Variants in ANKRD11 observed in about 807,000 individuals in gnomAD.
ANKRD11 encodes the protein ankyrin repeat domain 11.
ANKRD11 carries 17 observed loss-of-function variants against 195.7 expected under a neutral mutation model. The observed-to-expected ratio is 0.09, with a 90% CI of 0.06 to 0.13. The LOEUF (loss-of-function observed/expected upper bound fraction) is 0.13, where lower values mean the gene tolerates loss of function less well. ANKRD11 is among the 10% of genes least tolerant of loss of function. The pLI, the probability that ANKRD11 is intolerant of heterozygous loss-of-function variation, is 1.00. For missense variants in ANKRD11, 3,735 were observed against 3,566.1 expected, an observed-to-expected ratio of 1.05 and a Z score of -1.21; for synonymous variants, 1,953 against 1,528.1, an observed-to-expected ratio of 1.28 and a Z score of -6.49.
chr16:89,435,738 C>G (rs1244075353), intron 1 of ANKRD11, among the ~76,000 whole-genome samples: 1 of 151,494 alleles, frequency 6.6e-6, no homozygotes, highest in Non-Finnish European at 1.5e-5. Flanking sequence ...GAGTCCAAGA[C>G]CAACTGACTG....
chr16:89,378,541 C>T (rs945560862), intron 2 of ANKRD11, among the ~76,000 whole-genome samples: 1 of 152,142 alleles, frequency 6.6e-6, no homozygotes, highest in Non-Finnish European at 1.5e-5. Context: ...AATGTACGTG[C>T]TATAAGGCTA....
At position 89,284,115 on chromosome 16, in the gene ANKRD11, C is replaced by T. The variant is rs746095435; in HGVS notation, c.2427G>A (p.Arg809=). Residue 809 remains arginine (R), a synonymous_variant, in exon 9 of 13, where the codon AGG becomes AGA. Coordinates refer to ENST00000301030, the MANE Select transcript of ANKRD11 (RefSeq NM_013275.6). ...AATATTCGTCAAAAGCAGAATCTTC[C>T]CTATAAACCTTTTCTTTTTTGAGTT... ...KEKLKKEKVY[R]EDSAFDEYCN... 1 of 1,610,604 alleles carries T rather than the reference C, an allele frequency of 6.2e-7. No homozygotes were observed.
At chr16:89,487,486 C>T (rs533958304) in intron 1 of ANKRD11, among the ~76,000 whole-genome samples, 4 of 152,248 alleles carry the variant, frequency 2.6e-5, no homozygotes, top group South Asian at 2.1e-4. Context: ...TAAAAAGGCA[C>T]AAAAAGAGGC....
intron 2 of ANKRD11, among the ~76,000 whole-genome samples, chr16:89,387,379 A>G (rs2152118334): frequency 2.0e-5 from 3 of 152,266 alleles, no homozygotes; most frequent in Middle Eastern, 6.8e-3. Context: ...GTTTCTATTA[A>G]GACTGTGCTT....
In ANKRD11 at chr16:89,283,976, C is replaced by A. The variant is rs563168620; in HGVS notation, c.2566G>T (p.Asp856Tyr). Residue 856 changes from aspartate to tyrosine, a missense_variant, in exon 9 of 13, where the codon GAC becomes TAC. Physicochemically the swap from Asp to Tyr is radical, Grantham distance 160 (BLOSUM62 -3). Transcript: ENST00000301030. The surrounding 1 kb of genome is among the most constrained non-coding windows in gnomAD (Gnocchi z 4.3). The part of the protein sequence containing the change: ...SDSSFDFKGE[D>Y]SWDSPVTDYR... ...TCTGTCACTGGCGAGTCCCAGCTGT[C>A]CTCCCCTTTGAAATCAAAGGATGAA... 6.2e-7 allele frequency: 1 copy of A among 1,614,038 alleles called. No individual in the cohort carries two copies. The highest frequency in any genetic ancestry group is 8.5e-7 in the Non-Finnish European group (1 of 1,180,052).
In ANKRD11 at chr16:89,280,062, A is replaced by T; in HGVS notation, c.6480T>A (p.Leu2160=). The change falls in exon 9 of 13, where the codon CTT becomes CTA. Residue 2160 remains leucine, a synonymous_variant. Transcript: ENST00000301030. ...CTGGAGGCATCTCTTCTGGAGGAGC[A>T]AGACTTTCTTCCACGGGTTCCGCTT... ...DGEAEPVEES[L]APPEEMPPGA... The T allele has an allele frequency of 6.2e-7, 1 of 1,613,024 alleles. No homozygotes were observed. The highest frequency in any genetic ancestry group is 8.5e-7 in the Non-Finnish European group (1 of 1,179,960).
At chr16:89,296,313 C>T (rs2035434107) in intron 4 of ANKRD11, among the ~76,000 whole-genome samples, 1 of 152,122 alleles carries the variant, frequency 6.6e-6, no homozygotes, top group Non-Finnish European at 1.5e-5. Flanking sequence ...GCCTCTGGAG[C>T]CACCGTCTCC....
intron 2 of ANKRD11, among the ~76,000 whole-genome samples, chr16:89,349,800 A>T (rs1235914416): frequency 2.6e-5 from 4 of 151,960 alleles, no homozygotes; most frequent in Non-Finnish European, 5.9e-5. Flanking sequence ...ATCAAACTAA[A>T]AACTTTAGCT....
At position 89,291,128 on chromosome 16, in the gene ANKRD11, G is replaced by T; in HGVS notation, c.282C>A (p.Ala94=). 6.2e-7 allele frequency: 1 copy of T among 1,613,932 alleles called. No homozygotes were observed. The highest frequency in any genetic ancestry group is 1.7e-5 in the Admixed American group (1 of 60,014). ...ACAGCCCCATGCCAAACAGCAGCCC[G>T]GCCTTCCGGGTGACAGGCTCCTTCT... ...RIKKEPVTRK[A]GLLFGMGLSG... Residue 94 remains alanine, a synonymous_variant, in exon 5 of 13, where the codon GCC becomes GCA. Coordinates refer to ENST00000301030, the MANE Select transcript of ANKRD11 (RefSeq NM_013275.6). This position sits in a 1 kb window ranked among gnomAD's most constrained non-coding sequence, Gnocchi z 5.3.
intron 2 of ANKRD11, among the ~76,000 whole-genome samples, chr16:89,338,546 T>C (rs1424241711): frequency 2.0e-5 from 3 of 150,576 alleles, no homozygotes; most frequent in Non-Finnish European, 4.4e-5. Context: ...CTGGCCAACA[T>C]GATGACTGTC....
rs1192971319 is a variant in ANKRD11, at chr16:89,279,428, G to C, written c.7114C>G (p.Arg2372Gly). The change falls in exon 9 of 13, where the codon CGC becomes GGC. Residue 2372 changes from arginine to glycine, a missense_variant. Transcript: ENST00000301030. This position sits in a 1 kb window ranked among gnomAD's most constrained non-coding sequence, Gnocchi z 5.6. ...TPAPVTRAKA[R>G]GSEDDDAQAQ... ...TGGGCGTCGTCGTCCTCGGAGCCGC[G>C]GGCCTTGGCCCTGGTGACCGGGGCA... 1.3e-6 allele frequency: 2 copies of C among 1,521,806 alleles called. No homozygotes were observed. The highest frequency in any genetic ancestry group is 2.5e-5 in the East Asian group (1 of 40,754). 94.3% of individuals were successfully genotyped at this position (1,521,806 alleles called of 1,614,324 possible). A position where few individuals can be genotyped will look rare whatever the true frequency, so the allele number is the denominator to read the frequency against.
intron 1 of ANKRD11, among the ~76,000 whole-genome samples, chr16:89,488,042 T>C (rs2057679762): frequency 6.6e-6 from 1 of 151,936 alleles, no homozygotes; most frequent in South Asian, 2.1e-4. Context: ...CTGACGCAAA[T>C]GAGAGCTGCA....
intron 2 of ANKRD11, among the ~76,000 whole-genome samples, chr16:89,379,506 G>C (rs936532726): frequency 1.3e-5 from 2 of 152,152 alleles, no homozygotes; most frequent in Admixed American, 1.3e-4. Flanking sequence ...TTTTTTTAAA[G>C]AGACAAAGTC....
intron 1 of ANKRD11, among the ~76,000 whole-genome samples, chr16:89,469,151 G>C (rs1212390629): frequency 6.6e-6 from 1 of 151,698 alleles, no homozygotes; most frequent in Non-Finnish European, 1.5e-5. Context: ...CTGCACTTCA[G>C]CTTGGGCCAC....
intron 2 of ANKRD11, among the ~76,000 whole-genome samples, chr16:89,322,188 GCT>G (rs2037367550): frequency 1.3e-5 from 2 of 152,192 alleles, no homozygotes; most frequent in African/African-American, 4.8e-5. Context: ...TCAAGGGTTT[GCT>G]GTAATTTGTA....
chr16:89,476,216 G>T (rs2057253134), intron 1 of ANKRD11, among the ~76,000 whole-genome samples: 1 of 152,054 alleles, frequency 6.6e-6, no homozygotes, highest in Non-Finnish European at 1.5e-5. Flanking sequence ...CTCAAAAGAT[G>T]AAATCAAATT....
At chr16:89,393,164 C>G (rs1002970319) in intron 2 of ANKRD11, among the ~76,000 whole-genome samples, 1 of 152,146 alleles carries the variant, frequency 6.6e-6, no homozygotes, top group Non-Finnish European at 1.5e-5. Context: ...GGACCTGGCA[C>G]CTTCTTGCTA....
At chr16:89,442,855 C>G (rs947164649) in intron 1 of ANKRD11, among the ~76,000 whole-genome samples, 1 of 152,230 alleles carries the variant, frequency 6.6e-6, no homozygotes, top group African/African-American at 2.4e-5. Flanking sequence ...ACAGCACAAG[C>G]CGGCCACCAC....
chr16:89,356,900 C>T (rs1359376696), intron 2 of ANKRD11, among the ~76,000 whole-genome samples: 4 of 152,204 alleles, frequency 2.6e-5, no homozygotes, highest in African/African-American at 9.7e-5. Context: ...GGCCCTGTGG[C>T]TGTAATCTCC....
Sources: gnomAD v4.1 joint callset for allele counts (sites outside exome capture counted in the v4.1 genomes callset) on GRCh38, gnomAD v4.1.1 for gene constraint, Gnocchi (gnomAD v3.1) non-coding constraint, MANE v1.5 for transcripts, NCBI Gene and HGNC (gene_info 2026-07-23, HGNC 2026-07-21) for gene names.